Variants in TAFA1 observed in about 807,000 individuals in gnomAD.
TAFA1 encodes the protein chemokine-like protein TAFA-1.
A neutral mutation model predicts 18.5 loss-of-function variants in TAFA1; 4 were observed. That is an observed-to-expected ratio of 0.22 (90% CI 0.11 to 0.49). TAFA1 has a LOEUF of 0.49. Among genes scored for constraint, TAFA1 ranks in the 20% least tolerant of loss-of-function variants. The probability of loss-of-function intolerance (pLI) is 0.98; values close to 1 mark genes in which losing one functional copy is unlikely to be tolerated. For missense variants in TAFA1, 147 were observed against 169.0 expected, an observed-to-expected ratio of 0.87 and a Z score of 0.72; for synonymous variants, 56 against 55.2, an observed-to-expected ratio of 1.01 and a Z score of -0.06.
chr3:68,005,564 G>A (rs1038366847), intron 1 of TAFA1, among the ~76,000 whole-genome samples: 1 of 152,190 alleles, frequency 6.6e-6, no homozygotes, highest in African/African-American at 2.4e-5. Context: ...GCCAGGCTGG[G>A]AGGTTACTAG....
chr3:68,226,778 A>G (rs906385858), intron 2 of TAFA1, among the ~76,000 whole-genome samples: 4 of 152,212 alleles, frequency 2.6e-5, no homozygotes, highest in African/African-American at 9.6e-5. Context: ...TTGGCTCAAG[A>G]CAGAGAACCA....
chr3:68,117,436 T>A (rs2065337434), intron 2 of TAFA1, among the ~76,000 whole-genome samples: 1 of 152,212 alleles, frequency 6.6e-6, no homozygotes, highest in South Asian at 2.1e-4. Context: ...GTAGCGGGTA[T>A]GATTTGCTAT....
chr3:68,451,547 A>G (rs1044755397), intron 3 of TAFA1, among the ~76,000 whole-genome samples: 4 of 152,210 alleles, frequency 2.6e-5, no homozygotes, highest in Admixed American at 6.5e-5. Flanking sequence ...CCTTGAAGTC[A>G]TATCCCCATA....
intron 2 of TAFA1, among the ~76,000 whole-genome samples, chr3:68,262,865 A>G (rs566526552): frequency 2.6e-5 from 4 of 152,328 alleles, no homozygotes; most frequent in South Asian, 4.1e-4. Context: ...GCCAGATGTC[A>G]TGGTTCAAAT....
At chr3:68,056,212 AT>A (rs2064535618) in intron 2 of TAFA1, among the ~76,000 whole-genome samples, 1 of 152,106 alleles carries the variant, frequency 6.6e-6, no homozygotes, top group South Asian at 2.1e-4. Flanking sequence ...AGCAATGGTA[AT>A]TTTGTTGCCA....
At chr3:68,023,152 G>A (rs73837238) in intron 2 of TAFA1, among the ~76,000 whole-genome samples, 3,214 of 151,894 alleles carry the variant, frequency 0.021, 123 homozygotes, top group African/African-American at 0.074. Flanking sequence ...CATTAGTTTT[G>A]TTTGTGATGG....
chr3:68,182,049 G>T (rs990185993), intron 2 of TAFA1, among the ~76,000 whole-genome samples: 5 of 152,114 alleles, frequency 3.3e-5, no homozygotes, highest in Admixed American at 3.3e-4. Flanking sequence ...TCTACACAAA[G>T]CAAAAAACAT....
At chr3:68,506,472 G>GACACACACACACACACAC (rs55813351) in intron 3 of TAFA1, among the ~76,000 whole-genome samples, 188 of 150,854 alleles carry the variant, frequency 1.2e-3, no homozygotes, top group Admixed American at 3.2e-3. Flanking sequence ...CACACACAGA[G>GACACACACACACACACAC]ACACACACAC....
At chr3:68,311,120 A>T (rs1370832451) in intron 2 of TAFA1, among the ~76,000 whole-genome samples, 1 of 152,156 alleles carries the variant, frequency 6.6e-6, no homozygotes, top group Admixed American at 6.6e-5. Flanking sequence ...TAAAACTGTC[A>T]GATCTCATGA....
chr3:68,110,127 C>T (rs1371729473), intron 2 of TAFA1, among the ~76,000 whole-genome samples: 1 of 152,092 alleles, frequency 6.6e-6, no homozygotes, highest in Non-Finnish European at 1.5e-5. Context: ...ATGATCTCCC[C>T]CAACTCCTCC....
rs139192192 is a variant in TAFA1, at chr3:68,155,330, G to T, written c.118+148586G>T. Among the ~76,000 whole-genome samples the T allele has an allele frequency of 7.7e-3, 1,176 of 152,248 alleles. 7 individuals carry two copies. The highest frequency in any genetic ancestry group is 0.012 in the Non-Finnish European group (801 of 68,008). On this transcript the variant is annotated intron_variant, in intron 2 of 4. Coordinates refer to ENST00000478136, the MANE Select transcript of TAFA1 (RefSeq NM_213609.4). The stretch of plus-strand genomic sequence containing the variant: ...GAACTGTGCAGCCTTAGCAGACAGG[G>T]ATAGCACATTCGCATTTACCAAGCC...
intron 2 of TAFA1, among the ~76,000 whole-genome samples, chr3:68,397,635 T>A (rs1355097833): frequency 1.3e-5 from 2 of 152,242 alleles, no homozygotes; most frequent in Non-Finnish European, 2.9e-5. Flanking sequence ...CGTGTGCATA[T>A]GTCTTTATAA....
chr3:68,326,308 T>A (rs917795422), intron 2 of TAFA1, among the ~76,000 whole-genome samples: 9 of 152,200 alleles, frequency 5.9e-5, no homozygotes, highest in Admixed American at 5.2e-4. Context: ...TGTCTTCAGT[T>A]GTTTTAAATG....
chr3:68,206,045 G>T (rs1272350896), intron 2 of TAFA1, among the ~76,000 whole-genome samples: 1 of 151,782 alleles, frequency 6.6e-6, no homozygotes, highest in Non-Finnish European at 1.5e-5. Context: ...AGATTAAAAT[G>T]ATTTTTAAGT....
chr3:68,309,887 A>G (rs927417369), intron 2 of TAFA1, among the ~76,000 whole-genome samples: 4 of 152,140 alleles, frequency 2.6e-5, no homozygotes. Flanking sequence ...CAGGGATTAT[A>G]TATTCCTTTA....
At chr3:68,399,272 T>C (rs2070442004) in intron 2 of TAFA1, among the ~76,000 whole-genome samples, 2 of 152,136 alleles carry the variant, frequency 1.3e-5, no homozygotes, top group South Asian at 4.1e-4. Context: ...TTTTACATGG[T>C]TTATAAGTAG....
chr3:68,053,268 C>T (rs556745906), intron 2 of TAFA1, among the ~76,000 whole-genome samples: 1 of 152,018 alleles, frequency 6.6e-6, no homozygotes, highest in South Asian at 2.1e-4. Flanking sequence ...GGGGTGGGGA[C>T]TTCTTTAGAT....
At chr3:68,424,014 G>A (rs1354657496) in intron 3 of TAFA1, among the ~76,000 whole-genome samples, 1 of 151,968 alleles carries the variant, frequency 6.6e-6, no homozygotes, top group Non-Finnish European at 1.5e-5. Context: ...AAAAAGGCCA[G>A]GTTACATCAG....
intron 2 of TAFA1, among the ~76,000 whole-genome samples, chr3:68,275,574 T>C (rs1355651895): frequency 6.6e-6 from 1 of 151,218 alleles, no homozygotes. Context: ...GTATGCAAGA[T>C]AATTTCAGAT....
Sources: allele counts gnomAD v4.1 joint callset (sites outside exome capture counted in the v4.1 genomes callset), GRCh38; gene constraint gnomAD v4.1.1; transcripts MANE v1.5; gene names NCBI Gene and HGNC (gene_info 2026-07-23, HGNC 2026-07-21).